Variants in ZDHHC2 observed in about 807,000 individuals in gnomAD.
ZDHHC2 encodes the protein zDHHC palmitoyltransferase 2, also known as palmitoyltransferase ZDHHC2.
ZDHHC2 carries 51 observed loss-of-function variants against 55.6 expected under a neutral mutation model. That is an observed-to-expected ratio of 0.92 (90% CI 0.73 to 1.16). The LOEUF (loss-of-function observed/expected upper bound fraction) is 1.16, where lower values mean the gene tolerates loss of function less well. Among genes scored for constraint, ZDHHC2 ranks in the 50% most tolerant of loss-of-function variants. The probability of loss-of-function intolerance (pLI) is 0.00; values close to 1 mark genes in which losing one functional copy is unlikely to be tolerated. For missense variants in ZDHHC2, 491 were observed against 442.4 expected, an observed-to-expected ratio of 1.11 and a Z score of -0.99; for synonymous variants, 199 against 152.9, an observed-to-expected ratio of 1.30 and a Z score of -2.22.
intron 1 of ZDHHC2, among the ~76,000 whole-genome samples, chr8:17,164,054 G>C (rs1030637572): frequency 2.6e-5 from 4 of 152,114 alleles, no homozygotes; most frequent in Non-Finnish European, 4.4e-5. Context: ...AGGAGGAGGC[G>C]CTGGGTAGGA....
At chr8:17,203,597 A>T (rs1446087873) in intron 6 of ZDHHC2, among the ~76,000 whole-genome samples, 1 of 152,104 alleles carries the variant, frequency 6.6e-6, no homozygotes, top group African/African-American at 2.4e-5. Flanking sequence ...TGAAACCAAC[A>T]TAAGTAAGCA....
At chr8:17,218,271 A>G (rs1046494141) in intron 12 of ZDHHC2, among the ~76,000 whole-genome samples, 3 of 152,218 alleles carry the variant, frequency 2.0e-5, no homozygotes, top group Admixed American at 1.3e-4. Context: ...TTCTGAAAAT[A>G]ATTTTAGAAT....
chr8:17,199,678 T>C (rs1004319699), intron 6 of ZDHHC2, among the ~76,000 whole-genome samples: 28 of 149,196 alleles, frequency 1.9e-4, no homozygotes, highest in Non-Finnish European at 3.7e-4. Context: ...CTCCTTCTTC[T>C]TCTTCTTTTC....
intron 3 of ZDHHC2, among the ~76,000 whole-genome samples, chr8:17,189,580 G>C (rs1056783983): frequency 1.3e-5 from 2 of 152,184 alleles, no homozygotes; most frequent in Admixed American, 6.5e-5. Context: ...GCCTTGGCAG[G>C]AAGTTGAAGT....
intron 1 of ZDHHC2, among the ~76,000 whole-genome samples, chr8:17,170,365 C>T (rs948484664): frequency 1.3e-5 from 2 of 152,210 alleles, no homozygotes; most frequent in African/African-American, 2.4e-5. Context: ...TTGATTTCAT[C>T]TCTTCCGGTG....
chr8:17,157,099 C>T (rs1181336162), intron 1 of ZDHHC2, among the ~76,000 whole-genome samples: 7 of 152,068 alleles, frequency 4.6e-5, no homozygotes, highest in Non-Finnish European at 2.9e-5. Context: ...GCCGCCGAGC[C>T]TCCCGCCGCC....
In ZDHHC2 at chr8:17,221,761, T is replaced by C. The variant is rs1382140515; in HGVS notation, c.*1540T>C. The C allele has an allele frequency of 6.6e-6, 1 of 152,492 alleles. No homozygotes were observed. Among genetic ancestry groups the C allele is most frequent in the Non-Finnish European group, 1.5e-5 (1 of 67,934 alleles). 9.4% of individuals were successfully genotyped at this position (152,492 alleles called of 1,614,324 possible). The stretch of plus-strand genomic sequence containing the variant: ...CTTTGAACAATAGAAATATCTGCAG[T>C]CTTTCACAGATTTGTATTATGCTGA... On this transcript the variant is annotated 3_prime_UTR_variant, in exon 13 of 13. Transcript: ENST00000262096.
intron 6 of ZDHHC2, among the ~76,000 whole-genome samples, chr8:17,199,589 T>TCTTTGTCTTC (rs1563161574): frequency 2.2e-5 from 1 of 45,894 alleles, no homozygotes; most frequent in African/African-American, 4.7e-5. Context: ...CTTCTTCTTC[T>TCTTTGTCTTC]TTCTTCTTCT....
chr8:17,194,509 C>T lies in ZDHHC2; in HGVS notation c.253-995C>T, dbSNP rs114183647. Among the ~76,000 whole-genome samples, 973 of 151,786 alleles carry T rather than the reference C, an allele frequency of 6.4e-3. 9 individuals are homozygous for T. The highest frequency in any genetic ancestry group is 0.022 in the African/African-American group (914 of 41,434). On this transcript the variant is annotated intron_variant, in intron 3 of 12. Coordinates refer to ENST00000262096, the MANE Select transcript of ZDHHC2 (RefSeq NM_016353.5). ...AGCTGTTTCCCTTTATTCCTCAAAA[C>T]TTAACAACTATCCTGCGTTTCTGTT...
At position 17,199,638 on chromosome 8, in the gene ZDHHC2, C is replaced by CTG. The variant is rs1806625989; in HGVS notation, c.476+1226_476+1227insGT. Among the ~76,000 whole-genome samples, 4 of 45,666 alleles carry CTG rather than the reference C, an allele frequency of 8.8e-5. 1 individual carries two copies. The South Asian group carries it at 3.4e-3, about 39-fold the overall frequency. The allele number at this position is 45,666 out of a possible 152,430, so 30.0% of individuals were successfully genotyped here. ...TTCTTCTTCTTCCTTTCTTCTTCTT[C>CTG]TCCTCCTCCTCCTCCCTCCTCCCTC... On this transcript the variant is annotated intron_variant, in intron 6 of 12. Transcript: ENST00000262096.
At chr8:17,216,808 A>C (rs1807671289) in intron 11 of ZDHHC2, among the ~76,000 whole-genome samples, 1 of 152,152 alleles carries the variant, frequency 6.6e-6, no homozygotes, top group African/African-American at 2.4e-5. Flanking sequence ...AAATGAGGTG[A>C]GAAAGTGCTC....
intron 1 of ZDHHC2, among the ~76,000 whole-genome samples, chr8:17,166,178 C>G (rs1804590040): frequency 1.3e-5 from 2 of 152,138 alleles, no homozygotes; most frequent in Non-Finnish European, 2.9e-5. Context: ...CGCTGTGGAC[C>G]TAGGCTACTG....
At position 17,195,599 on chromosome 8, in the gene ZDHHC2, C is replaced by T; in HGVS notation, c.348C>T (p.Pro116=). 2.5e-6 allele frequency: 4 copies of T among 1,613,848 alleles called. No individual in the cohort carries two copies. The highest frequency in any genetic ancestry group is 3.4e-6 in the Non-Finnish European group (4 of 1,179,808). The change falls in exon 4 of 13, where the codon CCC becomes CCT. Residue 116 remains proline, a synonymous_variant. Coordinates refer to ENST00000262096, the MANE Select transcript of ZDHHC2 (RefSeq NM_016353.5). ...TTAGGCGAGCAGCCAAGGATCTTCC[C>T]ATCTATACCAGGACCATGTCTGGAG... ...EVLRRAAKDL[P]IYTRTMSGAI...
chr8:17,184,300 C>T (rs1805592483), intron 1 of ZDHHC2, among the ~76,000 whole-genome samples: 1 of 152,150 alleles, frequency 6.6e-6, no homozygotes, highest in Admixed American at 6.5e-5. Flanking sequence ...CAAGTAAAGT[C>T]ACTGTGCATA....
intron 6 of ZDHHC2, among the ~76,000 whole-genome samples, 152 bp from the exon 7 acceptor site, chr8:17,205,503 A>G (rs1376322388): frequency 2.0e-5 from 3 of 152,242 alleles, no homozygotes; most frequent in African/African-American, 7.2e-5. Flanking sequence ...ATGGATTTTT[A>G]CATGATTGTA....
chr8:17,219,252 TAAAAAAAAAA>T (rs71212684), intron 12 of ZDHHC2, among the ~76,000 whole-genome samples: 4 of 49,560 alleles, frequency 8.1e-5, no homozygotes, highest in Admixed American at 3.7e-4. Flanking sequence ...AGCAAGACTC[TAAAAAAAAAA>T]AAAAAAAAAA....
chr8:17,209,383 A>C (rs1007290218), intron 8 of ZDHHC2, among the ~76,000 whole-genome samples: 6 of 152,308 alleles, frequency 3.9e-5, no homozygotes, highest in Admixed American at 1.3e-4. Flanking sequence ...TTGCTCCAGG[A>C]GGGTGAGGCA....
chr8:17,209,744 A>C (rs1402007104), intron 8 of ZDHHC2, among the ~76,000 whole-genome samples, 188 bp from the exon 9 acceptor site: 1 of 152,222 alleles, frequency 6.6e-6, no homozygotes, highest in African/African-American at 2.4e-5. Flanking sequence ...AAATAGGTAT[A>C]TCTTATGATA....
chr8:17,193,485 C>G (rs1057361781), intron 3 of ZDHHC2, among the ~76,000 whole-genome samples: 4 of 152,242 alleles, frequency 2.6e-5, no homozygotes, highest in East Asian at 3.9e-4. Context: ...CAGTCAGACC[C>G]GAAGTCAGGA....
Sources: gnomAD v4.1 joint callset for allele counts (sites outside exome capture counted in the v4.1 genomes callset) on GRCh38, gnomAD v4.1.1 for gene constraint, MANE v1.5 for transcripts, NCBI Gene and HGNC (gene_info 2026-07-23, HGNC 2026-07-21) for gene names.